Variants in DNAI7 observed in about 807,000 individuals in gnomAD.
DNAI7 encodes the protein dynein axonemal intermediate chain 7.
DNAI7 carries 78 observed loss-of-function variants against 86.6 expected under a neutral mutation model. The observed-to-expected ratio is 0.90, with a 90% CI of 0.75 to 1.09. The LOEUF is 1.09. Ranked by LOEUF, DNAI7 falls within the 50% of genes least tolerant of loss-of-function variation. The pLI is 0.00. For synonymous variants in DNAI7, 274 were observed against 273.0 expected (o/e 1.00, Z -0.04); for missense variants, 753 against 810.2 (o/e 0.93, Z 0.86).
chr12:25,143,104 T>A (rs1439488055), intron 9 of DNAI7, among the ~76,000 whole-genome samples: 1 of 152,208 alleles, frequency 6.6e-6, no homozygotes, highest in Non-Finnish European at 1.5e-5. Context: ...CTCTAAAATA[T>A]GAGCTATGCA....
intron 9 of DNAI7, among the ~76,000 whole-genome samples, chr12:25,128,546 C>T (rs1942450576): frequency 1.3e-5 from 2 of 152,144 alleles, no homozygotes; most frequent in African/African-American, 4.8e-5. Flanking sequence ...TCCAGGTTCA[C>T]ATTTGCCTAC....
intron 13 of DNAI7, 84 bp from the exon 14 acceptor site, chr12:25,112,023 T>C (rs1206203886): frequency 1.2e-6 from 1 of 807,166 alleles, no homozygotes; most frequent in Admixed American, 2.7e-5. Flanking sequence ...TTAGATGCTT[T>C]ATACATTTTT....
intron 9 of DNAI7, among the ~76,000 whole-genome samples, chr12:25,127,750 T>C (rs1942352073): frequency 6.6e-6 from 1 of 152,198 alleles, no homozygotes; most frequent in South Asian, 2.1e-4. Flanking sequence ...AGAAATTCCT[T>C]AGTATATGTG....
rs774289069 is a variant in DNAI7, at chr12:25,110,226, T to G, written c.1794A>C (p.Glu598Asp). 3 of 1,602,786 alleles carry G rather than the reference T, an allele frequency of 1.9e-6. No homozygotes were observed. The highest frequency in any genetic ancestry group is 2.6e-6 in the Non-Finnish European group (3 of 1,170,034). Residue 598 changes from glutamate (E) to aspartate (D), a missense_variant, in exon 15 of 16, where the codon GAA becomes GAC. Transcript: ENST00000395987. ...GGGCCATCTGTCGATAAGCTTTCAC[T>G]TCTACCAAAGGAACCTGTCAATATA... ...VIINNKVPLV[E>D]VKAYRQMALL...
chr12:25,110,319 A>G (rs1418360104), intron 14 of DNAI7, 79 bp from the exon 15 acceptor site: 1 of 785,312 alleles, frequency 1.3e-6, no homozygotes, highest in African/African-American at 1.7e-5. Flanking sequence ...CCTTCAGTCT[A>G]TTTTCAACAC....
chr12:25,182,637 CAA>C (rs1949634894), intron 2 of DNAI7, among the ~76,000 whole-genome samples: 1 of 151,334 alleles, frequency 6.6e-6, no homozygotes, highest in African/African-American at 2.4e-5. Context: ...CACACACACA[CAA>C]GCCAGATGTG....
At chr12:25,175,312 C>G (rs753988093) in intron 2 of DNAI7, among the ~76,000 whole-genome samples, 2 of 152,080 alleles carry the variant, frequency 1.3e-5, no homozygotes, top group South Asian at 4.1e-4. Context: ...TTGAGCCTAT[C>G]TATATTTTTG....
At chr12:25,152,743 G>T (rs1945704624) in intron 6 of DNAI7, among the ~76,000 whole-genome samples, 4 of 152,074 alleles carry the variant, frequency 2.6e-5, no homozygotes, top group African/African-American at 7.2e-5. Context: ...TGGGACGGGG[G>T]TCTGCACTAG....
intron 9 of DNAI7, among the ~76,000 whole-genome samples, chr12:25,126,630 AAAG>A (rs1165105577): frequency 2.0e-5 from 3 of 152,192 alleles, no homozygotes; most frequent in African/African-American, 7.2e-5. Context: ...GCACCAAAAA[AAAG>A]AAAAAAGAAA....
In DNAI7 at chr12:25,108,539, A is replaced by T; in HGVS notation, c.*9T>A. 1 of 1,607,512 alleles carries T rather than the reference A, an allele frequency of 6.2e-7. No individual in the cohort carries two copies. Among genetic ancestry groups the T allele is most frequent in the Non-Finnish European group, 8.5e-7 (1 of 1,175,742 alleles). On this transcript the variant is annotated 3_prime_UTR_variant, in exon 16 of 16. Transcript: ENST00000395987. ...TCTTCATACTTACAATACAGTTTGTAAGTGGAGGTTAGGAGTAGCTGAGCA... is the reference window on the plus strand; with the variant it reads ...TCTTCATACTTACAATACAGTTTGTTAGTGGAGGTTAGGAGTAGCTGAGCA...
At chr12:25,174,046 T>C (rs1351206034) in intron 2 of DNAI7, among the ~76,000 whole-genome samples, 1 of 148,696 alleles carries the variant, frequency 6.7e-6, no homozygotes, top group African/African-American at 2.4e-5. Flanking sequence ...GGAATATATA[T>C]ATCATATATA....
chr12:25,149,300 G>A (rs565956763), intron 7 of DNAI7, among the ~76,000 whole-genome samples: 557 of 152,008 alleles, frequency 3.7e-3, no homozygotes, highest in Non-Finnish European at 4.6e-3. Context: ...AATATTTGGC[G>A]GGGAGCAGTG....
Position 25,154,413 on chromosome 12 carries a change from A to C in DNAI7, c.344T>G (p.Val115Gly), listed in dbSNP as rs763268201. Reference protein sequence around the residue: ...IQCDGSPDPSVAQEMNTFISL... With the variant: ...IQCDGSPDPSGAQEMNTFISL... The stretch of plus-strand genomic sequence containing the variant: ...AATAAACGTGTTCATTTCTTGGGCT[A>C]CTGAAGGATCAGGACTCCCATCACA... Residue 115 changes from valine to glycine, a missense_variant, in exon 6 of 16, where the codon GTA (valine) becomes GGA (glycine). By Grantham distance (109) the Val-to-Gly change is moderately radical. Transcript: ENST00000395987. The C allele has an allele frequency of 6.2e-7, 1 of 1,611,502 alleles. No individual in the cohort carries two copies. Among genetic ancestry groups the C allele is most frequent in the Non-Finnish European group, 8.5e-7 (1 of 1,179,354 alleles).
chr12:25,180,849 C>T (rs545287354), intron 2 of DNAI7, among the ~76,000 whole-genome samples: 1 of 152,216 alleles, frequency 6.6e-6, no homozygotes, highest in African/African-American at 2.4e-5. Flanking sequence ...CTCTTGTCGC[C>T]CAGGCTGGAG....
intron 2 of DNAI7, among the ~76,000 whole-genome samples, chr12:25,171,036 A>G (rs1006031818): frequency 6.6e-6 from 1 of 152,188 alleles, no homozygotes; most frequent in Admixed American, 6.5e-5. Flanking sequence ...GAAAGAGCAC[A>G]AACAGGCAAT....
At chr12:25,173,139 ACAGT>A (rs933443960) in intron 2 of DNAI7, among the ~76,000 whole-genome samples, 6 of 152,228 alleles carry the variant, frequency 3.9e-5, no homozygotes, top group African/African-American at 1.2e-4. Flanking sequence ...GGCAAAAGAA[ACAGT>A]CAGCAGAGTA....
chr12:25,116,714 C>T (rs1940185045), intron 12 of DNAI7, among the ~76,000 whole-genome samples: 2 of 151,026 alleles, frequency 1.3e-5, no homozygotes, highest in Non-Finnish European at 3.0e-5. Flanking sequence ...AGGCTGGTCT[C>T]GAACTCCTGA....
At chr12:25,123,767 T>C (rs879318082) in intron 9 of DNAI7, among the ~76,000 whole-genome samples, 10 of 152,154 alleles carry the variant, frequency 6.6e-5, no homozygotes, top group Non-Finnish European at 1.5e-4. Context: ...ATCTAGACTT[T>C]ATGTCTAAAT....
intron 12 of DNAI7, among the ~76,000 whole-genome samples, chr12:25,118,631 A>G (rs1940676921): frequency 6.6e-6 from 1 of 151,644 alleles, no homozygotes; most frequent in South Asian, 2.1e-4. Context: ...GCACCATTTC[A>G]GTTCATGGCA....
Sources: gnomAD v4.1 joint callset for allele counts (sites outside exome capture counted in the v4.1 genomes callset) on GRCh38, gnomAD v4.1.1 for gene constraint, MANE v1.5 for transcripts, NCBI Gene and HGNC (gene_info 2026-07-23, HGNC 2026-07-21) for gene names.